Variants in MAML2 observed in about 807,000 individuals in gnomAD.
MAML2 encodes the protein mastermind-like protein 2.
In MAML2, 22 loss-of-function variants were observed where a neutral mutation model predicts 96.1. The observed-to-expected ratio is 0.23, with a 90% CI of 0.16 to 0.33. MAML2 has a LOEUF of 0.33. MAML2 is among the 10% of genes least tolerant of loss of function. The pLI is 1.00. For synonymous variants in MAML2, 561 were observed against 521.3 expected, an observed-to-expected ratio of 1.08 and a Z score of -1.04; for missense variants, 1,367 against 1,392.4, an observed-to-expected ratio of 0.98 and a Z score of 0.29.
chr11:96,194,140 C>T (rs1008771443), intron 1 of MAML2, among the ~76,000 whole-genome samples: 21 of 152,128 alleles, frequency 1.4e-4, no homozygotes, highest in Admixed American at 1.1e-3. Flanking sequence ...AAAGAAAGGC[C>T]GAGACTCTAA....
intron 1 of MAML2, among the ~76,000 whole-genome samples, chr11:96,152,402 G>C (rs1024314349): frequency 3.5e-5 from 4 of 113,626 alleles, no homozygotes; most frequent in African/African-American, 1.1e-4. Flanking sequence ...AGAGAAGATA[G>C]AACACCAGTT....
intron 1 of MAML2, among the ~76,000 whole-genome samples, chr11:96,182,161 G>A (rs192547803): frequency 6.6e-6 from 1 of 151,518 alleles, no homozygotes; most frequent in East Asian, 2.0e-4. Flanking sequence ...TTGAATATAA[G>A]GTCTGCCTTA....
At chr11:96,027,501 G>A (rs1858544473) in intron 2 of MAML2, among the ~76,000 whole-genome samples, 2 of 152,066 alleles carry the variant, frequency 1.3e-5, no homozygotes, top group Non-Finnish European at 2.9e-5. Flanking sequence ...TTGAGCATGG[G>A]AATGATCTGG....
chr11:96,079,159 G>A (rs1002280778), intron 2 of MAML2, among the ~76,000 whole-genome samples: 4 of 152,062 alleles, frequency 2.6e-5, no homozygotes, highest in African/African-American at 9.7e-5. Context: ...TAATAAATAG[G>A]GGAATAAAAA....
chr11:96,142,504 G>C (rs1354456030), intron 1 of MAML2, among the ~76,000 whole-genome samples: 48 of 152,168 alleles, frequency 3.2e-4, no homozygotes, highest in Non-Finnish European at 1.3e-4. Flanking sequence ...GGAGATCTAA[G>C]ATCTCATAAC....
intron 1 of MAML2, among the ~76,000 whole-genome samples, chr11:96,158,395 G>A (rs1861046541): frequency 1.3e-5 from 2 of 152,184 alleles, no homozygotes; most frequent in Non-Finnish European, 2.9e-5. Context: ...TTGACCATCT[G>A]CCCCAGTTTC....
At position 96,191,935 on chromosome 11, in the gene MAML2, G is replaced by A. The variant is rs139045019; in HGVS notation, c.514-98418C>T. Among the ~76,000 whole-genome samples the A allele has an allele frequency of 3.7e-3, 557 of 152,304 alleles. 7 individuals are homozygous for A. Among genetic ancestry groups the A allele is most frequent in the African/African-American group, 0.013 (536 of 41,572 alleles). Reference sequence around the variant, plus strand: ...GGATCATCATGTGAGTTCTGTCAGTGACAGTGTTGAAATCCAGCTGGAAGG... The same window carrying A: ...GGATCATCATGTGAGTTCTGTCAGTAACAGTGTTGAAATCCAGCTGGAAGG... On this transcript the variant is annotated intron_variant, in intron 1 of 4. Coordinates refer to ENST00000524717, the MANE Select transcript of MAML2 (RefSeq NM_032427.4).
intron 2 of MAML2, among the ~76,000 whole-genome samples, chr11:95,997,382 A>G (rs905532457): frequency 6.6e-6 from 1 of 152,154 alleles, no homozygotes; most frequent in East Asian, 1.9e-4. Flanking sequence ...CCAGTGCTTA[A>G]GTATGGATAA....
chr11:96,221,555 A>G (rs1160408314), intron 1 of MAML2, among the ~76,000 whole-genome samples: 1 of 152,214 alleles, frequency 6.6e-6, no homozygotes, highest in Non-Finnish European at 1.5e-5. Flanking sequence ...TTCAATCATA[A>G]GGATAAAATA....
chr11:96,125,727 A>T (rs1591027978), intron 1 of MAML2, among the ~76,000 whole-genome samples: 1 of 152,330 alleles, frequency 6.6e-6, no homozygotes, highest in East Asian at 1.9e-4. Flanking sequence ...CAGTGAGAGA[A>T]GCCTAAAATA....
chr11:96,044,906 G>A (rs1336176017), intron 2 of MAML2, among the ~76,000 whole-genome samples: 1 of 152,186 alleles, frequency 6.6e-6, no homozygotes, highest in Non-Finnish European at 1.5e-5. Flanking sequence ...GATGACTTTC[G>A]TGAATCAGGA....
intron 1 of MAML2, among the ~76,000 whole-genome samples, chr11:96,114,779 T>C (rs1002456746): frequency 2.6e-5 from 4 of 152,198 alleles, no homozygotes; most frequent in Admixed American, 2.0e-4. Context: ...TAGAAAAGGC[T>C]CAGGCCCCAT....
At chr11:96,171,023 T>C (rs1861285256) in intron 1 of MAML2, among the ~76,000 whole-genome samples, 1 of 151,800 alleles carries the variant, frequency 6.6e-6, no homozygotes, top group East Asian at 1.9e-4. Context: ...GCCTCTACTT[T>C]TTTTTTTTTT....
intron 1 of MAML2, among the ~76,000 whole-genome samples, chr11:96,137,652 A>T (rs10765793): frequency 0.35 from 53,417 of 152,064 alleles, 10,300 homozygotes; most frequent in East Asian, 0.73. Context: ...TCTCCATTTT[A>T]ATATACTACA....
At chr11:96,159,098 A>C (rs1591045971) in intron 1 of MAML2, among the ~76,000 whole-genome samples, 1 of 152,302 alleles carries the variant, frequency 6.6e-6, no homozygotes, top group East Asian at 1.9e-4. Context: ...GTTGTATCAG[A>C]ACTTTTGTCA....
In MAML2 at chr11:96,276,292, C is replaced by G. The variant is rs76474679; in HGVS notation, c.513+65091G>C. ...GAGAGGAAGGCTATGCACATTCACT[C>G]TTGCTGACTGATAACTCTGAACTGT... On this transcript the variant is annotated intron_variant, in intron 1 of 4. Transcript: ENST00000524717. 2.9e-3 allele frequency among the ~76,000 whole-genome samples: 444 copies of G among 152,302 alleles called. 2 individuals are homozygous for G. The highest frequency in any genetic ancestry group is 0.01 in the African/African-American group (426 of 41,566).
intron 2 of MAML2, among the ~76,000 whole-genome samples, chr11:96,076,619 A>G (rs1169413759): frequency 6.6e-6 from 1 of 152,166 alleles, no homozygotes; most frequent in East Asian, 1.9e-4. Flanking sequence ...CCCAAGGAAC[A>G]GCCTGGGGAG....
At chr11:96,001,187 G>A (rs1436476529) in intron 2 of MAML2, among the ~76,000 whole-genome samples, 4 of 152,200 alleles carry the variant, frequency 2.6e-5, no homozygotes, top group Non-Finnish European at 5.9e-5. Context: ...AGGACGCTGT[G>A]TCTATTCTCA....
chr11:96,075,112 T>C (rs916279100), intron 2 of MAML2, among the ~76,000 whole-genome samples: 1 of 152,234 alleles, frequency 6.6e-6, no homozygotes, highest in African/African-American at 2.4e-5. Flanking sequence ...AATTCGAGGT[T>C]AGACATCACA....
Sources: gnomAD v4.1 joint callset for allele counts (sites outside exome capture counted in the v4.1 genomes callset) on GRCh38, gnomAD v4.1.1 for gene constraint, MANE v1.5 for transcripts, NCBI Gene and HGNC (gene_info 2026-07-23, HGNC 2026-07-21) for gene names.